KIAA1217: variants seen among roughly 807,000 people sequenced by gnomAD.
KIAA1217 encodes sickle tail protein homolog.
In KIAA1217, 88 loss-of-function variants were observed where a neutral mutation model predicts 163.9. That is an observed-to-expected ratio of 0.54 (90% CI 0.45 to 0.64). KIAA1217 has a LOEUF of 0.64. KIAA1217 is among the 30% of genes least tolerant of loss of function. KIAA1217 has a pLI of 0.00. For synonymous variants in KIAA1217, 903 were observed against 923.1 expected (o/e 0.98, Z 0.39); for missense variants, 2,372 against 2,475.0 (o/e 0.96, Z 0.88).
At chr10:24,304,447 T>C (rs908854653) in intron 2 of KIAA1217, among the ~76,000 whole-genome samples, 2 of 152,108 alleles carry the variant, frequency 1.3e-5, no homozygotes, top group Non-Finnish European at 2.9e-5. Context: ...TCAAGCAATC[T>C]TCCTGTCTCA....
chr10:24,368,578 G>T (rs2134421406), intron 2 of KIAA1217, among the ~76,000 whole-genome samples: 1 of 152,198 alleles, frequency 6.6e-6, no homozygotes, highest in South Asian at 2.1e-4. Context: ...TAGGATGAAG[G>T]TTAAGGTTGG....
rs1554894744 is a variant in KIAA1217, at chr10:24,177,299, T to TATATATATATATATATATATA, written c.-170-42326_-170-42325insTATATATATATATATATATAA. On this transcript the variant is annotated intron_variant, in intron 2 of 18. Coordinates refer to the KIAA1217 transcript ENST00000376462. ...TATATATATATATATATATATATAT[T>TATATATATATATATATATATA]ACAATTTCTTTGTCATATATATCAC... Among the ~76,000 whole-genome samples, 7 of 46,916 alleles carry TATATATATATATATATATATA rather than the reference T, an allele frequency of 1.5e-4. 1 individual carries two copies. The highest frequency in any genetic ancestry group is 2.6e-4 in the Admixed American group (1 of 3,816). 30.8% of individuals were successfully genotyped at this position (46,916 alleles called of 152,430 possible).
At chr10:24,283,175 G>T (rs71493374) in intron 2 of KIAA1217, among the ~76,000 whole-genome samples, 1 of 152,008 alleles carries the variant, frequency 6.6e-6, no homozygotes, top group African/African-American at 2.4e-5. Flanking sequence ...ATAGAGCAAA[G>T]AAATATATGT....
intron 3 of KIAA1217, among the ~76,000 whole-genome samples, chr10:24,391,852 T>C (rs7069563): frequency 0.047 from 7,127 of 152,282 alleles, 423 homozygotes; most frequent in African/African-American, 0.13. Flanking sequence ...CCATTCTCTC[T>C]CTGCTATACC....
chr10:24,538,637 A>C (rs1458929326), intron 17 of KIAA1217, among the ~76,000 whole-genome samples: 1 of 145,842 alleles, frequency 6.9e-6, no homozygotes, highest in Non-Finnish European at 1.5e-5. Flanking sequence ...AGAGGAAGGA[A>C]AAAGAGAGGA....
intron 1 of KIAA1217, among the ~76,000 whole-genome samples, chr10:23,993,573 T>TTTTTTTTTTTTTTTTTTTTTTTTTA (rs1185080887): frequency 7.0e-6 from 1 of 142,204 alleles, no homozygotes; most frequent in African/African-American, 2.7e-5. Flanking sequence ...TTTTTTTTTT[T>TTTTTTTTTTTTTTTTTTTTTTTTTA]GAGACAGAGT....
At chr10:24,336,712 A>G (rs1032563792) in intron 2 of KIAA1217, among the ~76,000 whole-genome samples, 27 of 152,238 alleles carry the variant, frequency 1.8e-4, no homozygotes, top group South Asian at 6.2e-4. Flanking sequence ...GGCAGACTCT[A>G]TTATGAGCTT....
At chr10:23,766,298 G>A (rs374094487) in intron 1 of KIAA1217, among the ~76,000 whole-genome samples, 1 of 152,246 alleles carries the variant, frequency 6.6e-6, no homozygotes, top group East Asian at 1.9e-4. Flanking sequence ...TTAAAGAATA[G>A]CTTTTATTTA....
chr10:24,121,600 G>A (rs1017159756), intron 2 of KIAA1217, among the ~76,000 whole-genome samples: 2 of 152,172 alleles, frequency 1.3e-5, no homozygotes, highest in African/African-American at 4.8e-5. Flanking sequence ...CATGTTTTAA[G>A]TAAAATTTAC....
chr10:24,098,327 A>G (rs951889299), intron 2 of KIAA1217, among the ~76,000 whole-genome samples: 2 of 152,140 alleles, frequency 1.3e-5, no homozygotes, highest in African/African-American at 4.8e-5. Flanking sequence ...CTTAGAGGAA[A>G]AATAAAGAGT....
intron 2 of KIAA1217, among the ~76,000 whole-genome samples, chr10:24,229,710 G>C (rs10828621): frequency 0.35 from 53,395 of 151,856 alleles, 9,881 homozygotes; most frequent in Non-Finnish European, 0.42. Context: ...GTAGAGACAA[G>C]GTTTCACCAT....
At chr10:24,102,263 C>T (rs190905244) in intron 2 of KIAA1217, among the ~76,000 whole-genome samples, 201 of 152,100 alleles carry the variant, frequency 1.3e-3, no homozygotes, top group African/African-American at 4.7e-3. Context: ...ACAATTGAGA[C>T]TTGAAATTAA....
intron 2 of KIAA1217, among the ~76,000 whole-genome samples, chr10:24,147,759 G>A (rs1318267987): frequency 2.7e-5 from 4 of 146,358 alleles, no homozygotes; most frequent in Non-Finnish European, 5.9e-5. Flanking sequence ...CTTGAACCTG[G>A]GAGGCAGAGG....
At chr10:24,445,967 CA>C (rs1451338237) in intron 5 of KIAA1217, among the ~76,000 whole-genome samples, 1 of 152,212 alleles carries the variant, frequency 6.6e-6, no homozygotes, top group Non-Finnish European at 1.5e-5. Context: ...CCAACTTCCA[CA>C]ATGGTTGAAC....
intron 1 of KIAA1217, among the ~76,000 whole-genome samples, chr10:23,776,352 A>G (rs1210492288): frequency 6.6e-6 from 1 of 150,916 alleles, no homozygotes; most frequent in South Asian, 2.1e-4. Context: ...ATATATATAT[A>G]TATATATTTA....
At chr10:23,823,805 T>C (rs1837738356) in intron 1 of KIAA1217, among the ~76,000 whole-genome samples, 1 of 151,822 alleles carries the variant, frequency 6.6e-6, no homozygotes. Flanking sequence ...CCTGATAGAA[T>C]GGAGGGAATA....
intron 2 of KIAA1217, among the ~76,000 whole-genome samples, chr10:24,183,893 T>G (rs867368300): frequency 2.0e-5 from 3 of 152,200 alleles, no homozygotes; most frequent in African/African-American, 7.2e-5. Context: ...CTTCAAATCT[T>G]CTCTTCTGCA....
chr10:24,175,472 G>A (rs867424810), intron 2 of KIAA1217, among the ~76,000 whole-genome samples: 1 of 149,870 alleles, frequency 6.7e-6, no homozygotes, highest in East Asian at 2.0e-4. Flanking sequence ...TGTGTTTATT[G>A]TTTTTCATTC....
chr10:24,005,078 G>C (rs1002546394), intron 1 of KIAA1217, among the ~76,000 whole-genome samples: 2 of 152,326 alleles, frequency 1.3e-5, no homozygotes, highest in Non-Finnish European at 2.9e-5. Flanking sequence ...TAGCCATGGA[G>C]AGAATGGGCT....
Sources: allele counts gnomAD v4.1 joint callset (sites outside exome capture counted in the v4.1 genomes callset), GRCh38; gene constraint gnomAD v4.1.1; transcripts MANE v1.5; gene names NCBI Gene and HGNC (gene_info 2026-07-23, HGNC 2026-07-21).